The following TMEM45B variants were observed in gnomAD, a reference collection of about 807,000 sequenced individuals.
TMEM45B encodes transmembrane protein 45B.
A neutral mutation model predicts 27.3 loss-of-function variants in TMEM45B; 29 were observed. The ratio of observed to expected loss-of-function variants is 1.06; its 90% CI spans 0.79 to 1.45. TMEM45B has a LOEUF of 1.45. TMEM45B is among the 40% of genes most tolerant of loss of function. The pLI, the probability that TMEM45B is intolerant of heterozygous loss-of-function variation, is 0.00. For synonymous variants in TMEM45B, 143 were observed against 134.7 expected, an observed-to-expected ratio of 1.06 and a Z score of -0.43; for missense variants, 348 against 343.9, an observed-to-expected ratio of 1.01 and a Z score of -0.09.
At chr11:129,825,590 G>A (rs555677564) in intron 1 of TMEM45B, among the ~76,000 whole-genome samples, 67 of 152,180 alleles carry the variant, frequency 4.4e-4, no homozygotes, top group Middle Eastern at 6.8e-3. Context: ...TAATCCATGG[G>A]TGTGCGTGAG....
At chr11:129,826,898 G>C (rs1281562791) in intron 1 of TMEM45B, 2 of 151,374 alleles carry the variant, frequency 1.3e-5, no homozygotes, top group African/African-American at 4.8e-5. Context: ...TAGTAGAGAT[G>C]GGGTTTCACC....
chr11:129,856,821 A>C (rs1433501869), intron 4 of TMEM45B, among the ~76,000 whole-genome samples: 27 of 149,382 alleles, frequency 1.8e-4, no homozygotes, highest in African/African-American at 6.2e-4. Context: ...AGCCTCCCAA[A>C]GTGCTAGGAT....
chr11:129,818,548 A>C (rs1947379628), intron 1 of TMEM45B, among the ~76,000 whole-genome samples: 1 of 152,250 alleles, frequency 6.6e-6, no homozygotes, highest in African/African-American at 2.4e-5. Context: ...TTAGCCAGTA[A>C]TTAAATGGCA....
At chr11:129,849,626 A>T (rs1037482592) in intron 1 of TMEM45B, among the ~76,000 whole-genome samples, 2 of 152,202 alleles carry the variant, frequency 1.3e-5, no homozygotes, top group Admixed American at 6.5e-5. Context: ...ATACCTACAG[A>T]GTCAGCACCA....
chr11:129,832,087 G>T (rs1457681164), intron 1 of TMEM45B, among the ~76,000 whole-genome samples: 3 of 68,602 alleles, frequency 4.4e-5, no homozygotes, highest in Admixed American at 3.4e-4. Flanking sequence ...AAAAAAAAAA[G>T]GATCCGGACA....
intron 1 of TMEM45B, among the ~76,000 whole-genome samples, chr11:129,830,760 A>G (rs966114815): frequency 6.6e-6 from 1 of 152,242 alleles, no homozygotes; most frequent in Non-Finnish European, 1.5e-5. Context: ...ATACCACTTC[A>G]TACCCACTAG....
chr11:129,857,376 C>T lies in TMEM45B; in HGVS notation c.634C>T (p.Leu212Phe), dbSNP rs1565375638. Residue 212 changes from leucine to phenylalanine, a missense_variant, in exon 5 of 6, where the codon CTC (leucine) becomes TTC (phenylalanine). Transcript: ENST00000281441. The part of the protein sequence containing the change: ...PEWDQKDDAN[L>F]MFITMCFCWH... ...ATGGGACCAGAAGGATGATGCCAAC[C>T]TCATGTTCATCACCATGTGCTTCTG... The T allele has an allele frequency of 3.7e-6, 6 of 1,614,218 alleles. No homozygotes were observed. Among genetic ancestry groups the T allele is most frequent in the Non-Finnish European group, 5.1e-6 (6 of 1,180,038 alleles).
rs1306544526 is a variant in TMEM45B, at chr11:129,820,976, T to C, written c.-9+5078T>C. Among the ~76,000 whole-genome samples the C allele has an allele frequency of 2.6e-5, 4 of 152,166 alleles. No individual in the cohort carries two copies. The East Asian group carries it at 7.7e-4, about 29-fold the overall frequency. ...TCTATTGACATCCTACCAAGAAGGA[T>C]GAGGGTTTCGCTCCTTTACACCCCC... On this transcript the variant is annotated intron_variant, in intron 1 of 5. Transcript: ENST00000281441.
chr11:129,850,924 C>T (rs1432156580), intron 1 of TMEM45B, among the ~76,000 whole-genome samples: 1 of 152,194 alleles, frequency 6.6e-6, no homozygotes, highest in African/African-American at 2.4e-5. Flanking sequence ...AAGCCACCCC[C>T]ACATTTTTAC....
chr11:129,816,617 T>C (rs924612790), intron 1 of TMEM45B, among the ~76,000 whole-genome samples: 6 of 151,770 alleles, frequency 4.0e-5, no homozygotes, highest in Non-Finnish European at 7.4e-5. Context: ...GATCCAGCCC[T>C]AGAGGGAAGA....
intron 1 of TMEM45B, among the ~76,000 whole-genome samples, chr11:129,825,625 C>T (rs969357531): frequency 5.9e-5 from 9 of 151,938 alleles, no homozygotes; most frequent in Non-Finnish European, 1.3e-4. Context: ...GAAGAGGAAA[C>T]GGAAGTAAGG....
At chr11:129,852,751 C>A in intron 2 of TMEM45B, 91 bp downstream of exon 2, 1 of 1,402,046 alleles carries the variant, frequency 7.1e-7, no homozygotes. Context: ...TAGATGTTCC[C>A]ACTGGCAGAG....
chr11:129,845,342 TG>T (rs1947747109), intron 1 of TMEM45B, among the ~76,000 whole-genome samples: 1 of 136,394 alleles, frequency 7.3e-6, no homozygotes. Flanking sequence ...TATAGATGTG[TG>T]TGTGTGTGTG....
At chr11:129,850,898 T>TC (rs1414114010) in intron 1 of TMEM45B, among the ~76,000 whole-genome samples, 1 of 152,192 alleles carries the variant, frequency 6.6e-6, no homozygotes, top group Non-Finnish European at 1.5e-5. Flanking sequence ...CAGCTTGTAT[T>TC]CATTATCCAG....
intron 1 of TMEM45B, among the ~76,000 whole-genome samples, chr11:129,831,513 T>A (rs548134281): frequency 6.6e-6 from 1 of 152,292 alleles, no homozygotes; most frequent in East Asian, 1.9e-4. Context: ...CCATTTAAAA[T>A]TTCTAAATTA....
At chr11:129,827,237 G>A (rs1305093841) in intron 1 of TMEM45B, 1 of 152,250 alleles carries the variant, frequency 6.6e-6, no homozygotes, top group Admixed American at 6.5e-5. Context: ...TGAGAAATGT[G>A]TCGTTAGGCG....
At chr11:129,845,944 G>C (rs1440719744) in intron 1 of TMEM45B, among the ~76,000 whole-genome samples, 1 of 152,160 alleles carries the variant, frequency 6.6e-6, no homozygotes, top group Non-Finnish European at 1.5e-5. Flanking sequence ...TTGTAAGATG[G>C]TGCAGAATGC....
chr11:129,837,585 C>CTTTTTTTTGTTTTTTTTTTTTTTTTTTTT, intron 1 of TMEM45B, among the ~76,000 whole-genome samples: 1 of 80,294 alleles, frequency 1.2e-5, no homozygotes, highest in Non-Finnish European at 2.5e-5. Flanking sequence ...CTGCACTGGG[C>CTTTTTTTTGTTTTTTTTTTTTTTTTTTTT]TTTTTTTTTT....
intron 1 of TMEM45B, 99 bp downstream of exon 1, chr11:129,815,997 C>G: frequency 8.1e-7 from 1 of 1,236,986 alleles, no homozygotes. Context: ...GAGGAGGTTC[C>G]GACTCGCAGG....
Sources: gnomAD v4.1 joint callset for allele counts (sites outside exome capture counted in the v4.1 genomes callset) on GRCh38, gnomAD v4.1.1 for gene constraint, MANE v1.5 for transcripts, NCBI Gene and HGNC (gene_info 2026-07-23, HGNC 2026-07-21) for gene names.